The following ANKRD26 variants were observed in gnomAD, a reference collection of about 807,000 sequenced individuals.
ANKRD26 encodes the protein ankyrin repeat domain 26, also known as ankyrin repeat domain-containing protein 26.
Under a neutral mutation model 208.7 loss-of-function variants are expected in ANKRD26, and 141 were observed. The ratio of observed to expected loss-of-function variants is 0.68; its 90% CI spans 0.59 to 0.78. The LOEUF is 0.78. Among genes scored for constraint, ANKRD26 ranks in the 30% least tolerant of loss-of-function variants. ANKRD26 has a pLI of 0.00. For missense variants in ANKRD26, 1,889 were observed against 1,938.7 expected (o/e 0.97, Z 0.48); for synonymous variants, 636 against 660.4 (o/e 0.96, Z 0.57).
At chr10:27,007,447 A>G (rs2052928078) in intron 32 of ANKRD26, among the ~76,000 whole-genome samples, 1 of 152,212 alleles carries the variant, frequency 6.6e-6, no homozygotes, top group East Asian at 1.9e-4. Context: ...TGAGCTCAGG[A>G]GTTCGAGACC....
intron 28 of ANKRD26, among the ~76,000 whole-genome samples, chr10:27,023,986 A>G (rs2053578142): frequency 6.6e-6 from 1 of 151,542 alleles, no homozygotes; most frequent in African/African-American, 2.4e-5. Context: ...TACTACACAC[A>G]CACACACACA....
At chr10:27,068,243 G>T (rs1354488770) in intron 9 of ANKRD26, among the ~76,000 whole-genome samples, 1 of 152,192 alleles carries the variant, frequency 6.6e-6, no homozygotes, top group Non-Finnish European at 1.5e-5. Context: ...GAATTCTCAT[G>T]AGATCTGATG....
chr10:26,993,201 C>T (rs1472953560), intron 5 of ANKRD26, among the ~76,000 whole-genome samples: 1 of 152,152 alleles, frequency 6.6e-6, no homozygotes, highest in Non-Finnish European at 1.5e-5. Flanking sequence ...TACTCATCCT[C>T]GTGCCCAAGC....
chr10:26,953,388 T>A, the ANKRD26 span, among the ~76,000 whole-genome samples: 4 of 152,330 alleles, frequency 2.6e-5, 1 homozygote, highest in East Asian at 7.7e-4. Context: ...GTTGCGATCG[T>A]GCCACTGCTC....
chr10:27,071,583 A>G (rs1216932407), intron 9 of ANKRD26, among the ~76,000 whole-genome samples: 1 of 152,158 alleles, frequency 6.6e-6, no homozygotes, highest in Non-Finnish European at 1.5e-5. Context: ...CCCTCTTGGA[A>G]AGGCAAAATA....
chr10:27,061,873 A>G (rs755316162), intron 12 of ANKRD26: 84 of 931,526 alleles, frequency 9.0e-5, no homozygotes, highest in Non-Finnish European at 1.1e-4. Context: ...AAAGCAACAT[A>G]TATCTTTGAT....
chr10:27,013,762 T>G, intron 31 of ANKRD26, among the ~76,000 whole-genome samples: 1 of 152,108 alleles, frequency 6.6e-6, no homozygotes, highest in Non-Finnish European at 1.5e-5. Flanking sequence ...AGCAAAAAAT[T>G]GTAGGGGAAA....
In ANKRD26 at chr10:27,005,599, A is replaced by G. The variant is rs376466372; in HGVS notation, c.5124T>C (p.Tyr1708=). The stretch of plus-strand genomic sequence containing the variant: ...AATAAAATCTTATCTTTCAGATCAT[A>G]TAATTTTTCTTTAAAACCTGTACAT... ...REYVQVLKKN[Y]MI is the part of the protein sequence containing the mutation. Residue 1708 remains tyrosine (Y), a synonymous_variant, in exon 34 of 34, where the codon TAT becomes TAC. Coordinates refer to ENST00000376087, the MANE Select transcript of ANKRD26 (RefSeq NM_014915.3). 15 of 1,609,994 alleles carry G rather than the reference A, an allele frequency of 9.3e-6. No homozygotes were observed. Among genetic ancestry groups the G allele is most frequent in the African/African-American group, 8.0e-5 (6 of 74,848 alleles).
downstream of ANKRD26, among the ~76,000 whole-genome samples, chr10:26,990,580 A>G (rs149871109): frequency 2.6e-5 from 4 of 152,260 alleles, no homozygotes; most frequent in African/African-American, 9.6e-5. Context: ...GACCCTAAGT[A>G]TGTTCTTATA....
intron 13 of ANKRD26, 45 bp downstream of exon 13, chr10:27,061,099 C>T (rs1361526480): frequency 1.5e-6 from 2 of 1,349,084 alleles, no homozygotes; most frequent in East Asian, 2.3e-5. Context: ...TGGATATACA[C>T]TTGTAGAATA....
At chr10:27,007,632 G>A (rs2052938142) in intron 32 of ANKRD26, among the ~76,000 whole-genome samples, 1 of 152,190 alleles carries the variant, frequency 6.6e-6, no homozygotes, top group Non-Finnish European at 1.5e-5. Flanking sequence ...CTCCAGCCTG[G>A]ATGACAGAGC....
At chr10:27,075,539 G>A (rs2055664529) in intron 9 of ANKRD26, among the ~76,000 whole-genome samples, 1 of 152,116 alleles carries the variant, frequency 6.6e-6, no homozygotes, top group Admixed American at 6.6e-5. Flanking sequence ...TCAACAAGAA[G>A]ATCTAAGAAT....
chr10:27,017,774 C>T lies in ANKRD26; in HGVS notation c.4234G>A (p.Glu1412Lys). Reference sequence around the variant, plus strand: ...CATTTTGAACCTGCAGTCTCCAGTTCTGCTGTAAGATCATCAATCTGAATG... The same window carrying T: ...CATTTTGAACCTGCAGTCTCCAGTTTTGCTGTAAGATCATCAATCTGAATG... The part of the protein sequence containing the change: ...LKHKIDDLTA[E>K]LETAGSKCLH... Residue 1412 changes from glutamate to lysine, a missense_variant, in exon 30 of 34, where the codon GAA becomes AAA. By Grantham distance (56) the Glu-to-Lys change is moderately conservative. Coordinates refer to ENST00000376087, the MANE Select transcript of ANKRD26 (RefSeq NM_014915.3). The T allele has an allele frequency of 6.2e-7, 1 of 1,612,610 alleles. No individual in the cohort carries two copies. Among genetic ancestry groups the T allele is most frequent in the Non-Finnish European group, 8.5e-7 (1 of 1,179,750 alleles).
At chr10:27,091,310 AG>A (rs1369385234) in intron 4 of ANKRD26, among the ~76,000 whole-genome samples, 2 of 152,222 alleles carry the variant, frequency 1.3e-5, no homozygotes, top group Admixed American at 6.5e-5. Context: ...CAAGTGGGAA[AG>A]CAAGGAATTA....
rs760614464 is a variant in ANKRD26, at chr10:27,033,242, C to A, written c.3790G>T (p.Gly1264Cys). ...DETQDLKKKL[G>C]QIRNQLQEAQ... is the part of the protein sequence containing the mutation. ...ATACATACTTGATTTCTGATTTGAC[C>A]TAATTTCTTCTTTAAATCCTGTGTC... Residue 1264 changes from glycine (G) to cysteine (C), a missense_variant, in exon 25 of 34, where the codon GGT (glycine) becomes TGT (cysteine). Physicochemically the swap from Gly to Cys is radical, Grantham distance 159 (BLOSUM62 -3). Coordinates refer to ENST00000376087, the MANE Select transcript of ANKRD26 (RefSeq NM_014915.3). 1.1e-5 allele frequency: 17 copies of A among 1,610,546 alleles called. No individual in the cohort carries two copies. The highest frequency in any genetic ancestry group is 2.2e-5 in the South Asian group (2 of 90,844).
chr10:26,949,010 T>C, the ANKRD26 span, among the ~76,000 whole-genome samples: 1 of 152,210 alleles, frequency 6.6e-6, no homozygotes, highest in East Asian at 1.9e-4. Flanking sequence ...AAATGCATTA[T>C]TAAATACTGA....
chr10:27,091,725 ATG>A (rs2056305771), intron 4 of ANKRD26, among the ~76,000 whole-genome samples: 2 of 152,348 alleles, frequency 1.3e-5, no homozygotes, highest in East Asian at 1.9e-4. Context: ...CAGTGGCTTA[ATG>A]CCTGTAATCC....
chr10:27,032,739 G>A (rs944277312), intron 25 of ANKRD26, among the ~76,000 whole-genome samples: 4 of 151,584 alleles, frequency 2.6e-5, no homozygotes, highest in Non-Finnish European at 4.4e-5. Flanking sequence ...CGCTTGAACC[G>A]GGGAGGTGAA....
intron 11 of ANKRD26, among the ~76,000 whole-genome samples, chr10:27,065,326 T>C (rs1424627433): frequency 6.6e-6 from 1 of 152,234 alleles, no homozygotes; most frequent in Non-Finnish European, 1.5e-5. Context: ...TCTAACAGCC[T>C]AGCACATGGT....
Sources: gnomAD v4.1 joint callset for allele counts (sites outside exome capture counted in the v4.1 genomes callset) on GRCh38, gnomAD v4.1.1 for gene constraint, MANE v1.5 for transcripts, NCBI Gene and HGNC (gene_info 2026-07-23, HGNC 2026-07-21) for gene names.